The following RNF123 variants were observed in gnomAD, a reference collection of about 807,000 sequenced individuals.
RNF123 encodes E3 ubiquitin-protein ligase RNF123.
A neutral mutation model predicts 168.5 loss-of-function variants in RNF123; 86 were observed. The observed-to-expected ratio is 0.51, with a 90% CI of 0.43 to 0.61. RNF123 has a LOEUF of 0.61. Among genes scored for constraint, RNF123 ranks in the 20% least tolerant of loss-of-function variants. The pLI is 0.00. For synonymous variants in RNF123, 666 were observed against 689.1 expected, an observed-to-expected ratio of 0.97 and a Z score of 0.52; for missense variants, 1,419 against 1,729.7, an observed-to-expected ratio of 0.82 and a Z score of 3.19.
intron 25 of RNF123, 52 bp downstream of exon 25, chr3:49,706,117 A>G (rs2054514517): frequency 3.3e-6 from 5 of 1,513,820 alleles, no homozygotes; most frequent in South Asian, 1.1e-5. Context: ...CGTACAGGTA[A>G]CCACAGATGA....
At chr3:49,708,810 G>A (rs1218773032) in intron 26 of RNF123, among the ~76,000 whole-genome samples, 3 of 152,066 alleles carry the variant, frequency 2.0e-5, no homozygotes, top group African/African-American at 4.8e-5. Context: ...ATGGACACTC[G>A]GGTTGCTTCT....
chr3:49,698,699 A>G (rs912845739), intron 8 of RNF123, 56 bp from the exon 9 acceptor site: 1 of 1,593,094 alleles, frequency 6.3e-7, no homozygotes, highest in Non-Finnish European at 8.6e-7. Context: ...GCTGGGGTTC[A>G]GAGTCAGCAG....
chr3:49,702,789 G>A, intron 20 of RNF123, 36 bp downstream of exon 20: 1 of 1,613,548 alleles, frequency 6.2e-7, no homozygotes, highest in Admixed American at 1.7e-5. Context: ...AGTGAGGCTG[G>A]ACAGAGCCAG....
At chr3:49,694,663 G>A (rs1044864117) in intron 3 of RNF123, among the ~76,000 whole-genome samples, 2 of 152,180 alleles carry the variant, frequency 1.3e-5, no homozygotes, top group Non-Finnish European at 2.9e-5. Context: ...TAGCTGTTCT[G>A]TCTTTTACGA....
chr3:49,690,707 TG>T (rs2054136244), intron 1 of RNF123, among the ~76,000 whole-genome samples: 1 of 152,116 alleles, frequency 6.6e-6, no homozygotes, highest in East Asian at 1.9e-4. Context: ...GGTCTGCACT[TG>T]GGGGAATGTG....
At position 49,697,889 on chromosome 3, in the gene RNF123, T is replaced by C. The variant is rs1559672186; in HGVS notation, c.347T>C (p.Ile116Thr). The change falls in exon 6 of 39, where the codon ATT (isoleucine) becomes ACT (threonine). Residue 116 changes from isoleucine to threonine, a missense_variant. Coordinates refer to ENST00000327697, the MANE Select transcript of RNF123 (RefSeq NM_022064.5). The part of the protein sequence containing the change: ...LLVDDDLLGV[I>T]GHSNFGTIRS... Reference sequence around the variant, plus strand: ...CCACCCCTCTTCTTCACCCAGGTGATTGGACACAGCAACTTTGGCACCATC... The same window carrying C: ...CCACCCCTCTTCTTCACCCAGGTGACTGGACACAGCAACTTTGGCACCATC... 1 of 1,614,164 alleles carries C rather than the reference T, an allele frequency of 6.2e-7. No homozygotes were observed. Among genetic ancestry groups the C allele is most frequent in the Non-Finnish European group, 8.5e-7 (1 of 1,180,024 alleles).
At chr3:49,717,192 C>T (rs1049763785) in intron 35 of RNF123, 3 of 153,342 alleles carry the variant, frequency 2.0e-5, no homozygotes, top group African/African-American at 7.2e-5. Flanking sequence ...ACAGAATGGG[C>T]TCTGCCTTCA....
At chr3:49,694,085 A>G (rs1251848747) in intron 3 of RNF123, among the ~76,000 whole-genome samples, 1 of 152,180 alleles carries the variant, frequency 6.6e-6, no homozygotes, top group Non-Finnish European at 1.5e-5. Flanking sequence ...TTACTTTGCT[A>G]TGCAGAAGCT....
chr3:49,689,844 G>C (rs2054081388), intron 1 of RNF123: 1 of 152,236 alleles, frequency 6.6e-6, no homozygotes, highest in South Asian at 2.1e-4. Flanking sequence ...TCTGAGTCCG[G>C]ATACCCCGGC....
chr3:49,701,863 G>A lies in RNF123; in HGVS notation c.1448G>A (p.Arg483Gln), dbSNP rs1234222043. ...KEETAEERLR[R>Q]RAYERGCQRL... ...GAGACCGCAGAGGAGCGGCTGCGGC[G>A]GCGAGCCTACGAACGGGGCTGTCAG... Residue 483 changes from arginine (R) to glutamine (Q), a missense_variant, in exon 17 of 39, where the codon CGG becomes CAG. Coordinates refer to ENST00000327697, the MANE Select transcript of RNF123 (RefSeq NM_022064.5). 6.4e-6 allele frequency: 10 copies of A among 1,570,376 alleles called. No individual in the cohort carries two copies. The highest frequency in any genetic ancestry group is 2.3e-5 in the East Asian group (1 of 43,386).
At chr3:49,692,152 G>A (rs2054179513) in intron 3 of RNF123, among the ~76,000 whole-genome samples, 1 of 152,208 alleles carries the variant, frequency 6.6e-6, no homozygotes, top group African/African-American at 2.4e-5. Context: ...GGCTGATGTG[G>A]GAGGATCACT....
chr3:49,718,724 C>A lies in RNF123; in HGVS notation c.3501-1787C>A. On this transcript the variant is annotated intron_variant, in intron 35 of 38. Transcript: ENST00000327697. ...ACCTTGAAGGCCAAGCATACGTACT[C>A]GCGCGCAAAGTCGCGCACGGCGCTC... 2.5e-6 allele frequency: 4 copies of A among 1,612,988 alleles called. No homozygotes were observed. The South Asian group carries it at 4.4e-5, about 18-fold the overall frequency.
intron 35 of RNF123, chr3:49,719,196 CAGGGCGCGCAGCTGGAAG>C (rs2080328255): frequency 1.9e-6 from 3 of 1,613,358 alleles, no homozygotes; most frequent in Non-Finnish European, 1.7e-6. Flanking sequence ...GGTCTAGGTG[CAGGGCGCGCAGCTGGAAG>C]AGGGGCGCCA....
Position 49,702,156 on chromosome 3 carries a change from C to G in RNF123, c.1557+12C>G. Reference sequence around the variant, plus strand: ...AAGATGACAATGGGGTGAGTGACTCCCAGGAGCCCTGGGTGGGGCCCTGTG... The same window carrying G: ...AAGATGACAATGGGGTGAGTGACTCGCAGGAGCCCTGGGTGGGGCCCTGTG... On this transcript the variant is annotated intron_variant, in intron 18 of 38. Transcript: ENST00000327697. 1 of 1,613,830 alleles carries G rather than the reference C, an allele frequency of 6.2e-7. No homozygotes were observed. Among genetic ancestry groups the G allele is most frequent in the Non-Finnish European group, 8.5e-7 (1 of 1,179,740 alleles).
At chr3:49,715,765 T>G (rs778974382) in intron 32 of RNF123, 51 bp downstream of exon 32, 1 of 1,614,068 alleles carries the variant, frequency 6.2e-7, no homozygotes, top group Non-Finnish European at 8.5e-7. Context: ...GGATGAGGCC[T>G]GGTCCTGGGC....
chr3:49,712,903 A>G, intron 27 of RNF123: 1 of 703,744 alleles, frequency 1.4e-6, no homozygotes, highest in South Asian at 1.5e-5. Flanking sequence ...GTGGGTGTAG[A>G]CCTCTTGGCT....
rs531978110 is a variant in RNF123 at position 49,699,407 on chromosome 3, G to T, written c.765-61G>T. 107 of 1,409,052 alleles carry T rather than the reference G, an allele frequency of 7.6e-5. No individual in the cohort carries two copies. In the South Asian group the frequency reaches 1.3e-3, roughly 17 times the overall value. 87.3% of individuals were successfully genotyped at this position (1,409,052 alleles called of 1,614,324 possible). The stretch of plus-strand genomic sequence containing the variant: ...CAGGCCCCGGGGTGGGGGGTGGGCA[G>T]TGGAGAGGGAGTAGGCATGTCTGAG... On this transcript the variant is annotated intron_variant, in intron 10 of 38. Transcript: ENST00000327697. This position sits in a 1 kb window ranked among gnomAD's most constrained non-coding sequence, Gnocchi z 4.8.
intron 7 of RNF123, 45 bp downstream of exon 7, chr3:49,698,182 T>G (rs748929687): frequency 2.0e-6 from 3 of 1,524,494 alleles, no homozygotes; most frequent in African/African-American, 2.7e-5. Flanking sequence ...AGGGAGAGCT[T>G]CTCCTGCCAC....
chr3:49,719,586 C>G, intron 35 of RNF123: 1 of 868,604 alleles, frequency 1.2e-6, no homozygotes, highest in Non-Finnish European at 1.8e-6. Context: ...GGAGGCACGG[C>G]GGGTTCTTGC....
Sources: gnomAD v4.1 joint callset for allele counts (sites outside exome capture counted in the v4.1 genomes callset) on GRCh38, gnomAD v4.1.1 for gene constraint, Gnocchi (gnomAD v3.1) non-coding constraint, MANE v1.5 for transcripts, NCBI Gene and HGNC (gene_info 2026-07-23, HGNC 2026-07-21) for gene names.